Variants in ESYT2 observed in about 807,000 individuals in gnomAD.
The protein encoded by ESYT2 is extended synaptotagmin 2.
ESYT2 carries 54 observed loss-of-function variants against 107.2 expected under a neutral mutation model. The observed-to-expected ratio is 0.50, with a 90% CI of 0.40 to 0.63. The LOEUF (loss-of-function observed/expected upper bound fraction) is 0.63, where lower values mean the gene tolerates loss of function less well. Ranked by LOEUF, ESYT2 falls within the 30% of genes least tolerant of loss-of-function variation. The pLI, the probability that ESYT2 is intolerant of heterozygous loss-of-function variation, is 0.00. For missense variants in ESYT2, 1,020 were observed against 1,094.5 expected (o/e 0.93, Z 0.96); for synonymous variants, 491 against 434.1 (o/e 1.13, Z -1.63).
chr7:158,760,342 T>C (rs903925371), intron 11 of ESYT2, among the ~76,000 whole-genome samples, 195 bp from the exon 12 acceptor site: 3 of 152,230 alleles, frequency 2.0e-5, no homozygotes, highest in Admixed American at 6.5e-5. Context: ...TTGGAGGCGA[T>C]GGCAGCAACA....
chr7:158,764,450 C>A (rs1041392190), intron 9 of ESYT2, among the ~76,000 whole-genome samples: 1 of 152,168 alleles, frequency 6.6e-6, no homozygotes, highest in Non-Finnish European at 1.5e-5. Context: ...AGTATGATAG[C>A]ATTATGTAAT....
intron 3 of ESYT2, among the ~76,000 whole-genome samples, chr7:158,796,361 A>C (rs1839458004): frequency 6.6e-6 from 1 of 152,226 alleles, no homozygotes; most frequent in African/African-American, 2.4e-5. Context: ...CTTTTTATAT[A>C]ATGTGACTCC....
intron 17 of ESYT2, 121 bp from the exon 18 acceptor site, chr7:158,742,017 T>C: frequency 8.0e-7 from 1 of 1,247,836 alleles, no homozygotes; most frequent in South Asian, 1.6e-5. Context: ...AAAAAAAAAT[T>C]TTTTTTTAAA....
chr7:158,781,726 TGTGA>T (rs1484235662), intron 6 of ESYT2, among the ~76,000 whole-genome samples: 1 of 148,862 alleles, frequency 6.7e-6, no homozygotes, highest in African/African-American at 2.5e-5. Flanking sequence ...CGAGAACAAA[TGTGA>T]GTGAACGAGT....
chr7:158,767,642 G>C lies in ESYT2; in HGVS notation c.924+12C>G, dbSNP rs775819735. On this transcript the variant is annotated intron_variant, in intron 8 of 22. Transcript: ENST00000275418. Reference sequence around the variant, plus strand: ...TGTTTTTAAATGTGAATGGATGCCGGGACACGCTTACCTTTGGTACAGGAA... The same window carrying C: ...TGTTTTTAAATGTGAATGGATGCCGCGACACGCTTACCTTTGGTACAGGAA... 1 of 1,605,008 alleles carries C rather than the reference G, an allele frequency of 6.2e-7. No homozygotes were observed. The highest frequency in any genetic ancestry group is 8.5e-7 in the Non-Finnish European group (1 of 1,174,968).
chr7:158,737,404 T>C (rs1011167393), intron 19 of ESYT2, among the ~76,000 whole-genome samples: 12 of 152,336 alleles, frequency 7.9e-5, no homozygotes, highest in African/African-American at 1.9e-4. Context: ...TCGGCCTTCA[T>C]TTCTCAAGCC....
chr7:158,777,675 C>G (rs955153326), intron 6 of ESYT2, among the ~76,000 whole-genome samples: 7 of 152,138 alleles, frequency 4.6e-5, no homozygotes, highest in African/African-American at 1.7e-4. Context: ...AATGCCCAGT[C>G]TCAGGTAGTA....
At chr7:158,754,240 C>CTCTG (rs1201767628) in intron 13 of ESYT2, among the ~76,000 whole-genome samples, 1 of 152,086 alleles carries the variant, frequency 6.6e-6, no homozygotes, top group Admixed American at 6.6e-5. Context: ...CGGAGTCTTG[C>CTCTG]TCTGTCACCA....
At chr7:158,774,150 A>C (rs2129472594) in intron 6 of ESYT2, among the ~76,000 whole-genome samples, 1 of 152,344 alleles carries the variant, frequency 6.6e-6, no homozygotes, top group East Asian at 1.9e-4. Flanking sequence ...TTGTAGAAGA[A>C]ATTCTAAGTA....
chr7:158,758,580 G>A (rs1837848603), intron 13 of ESYT2, among the ~76,000 whole-genome samples: 1 of 152,208 alleles, frequency 6.6e-6, no homozygotes, highest in Admixed American at 6.5e-5. Context: ...TACTGTGGAG[G>A]AGGAATTATG....
intron 18 of ESYT2, among the ~76,000 whole-genome samples, chr7:158,740,887 C>A (rs957038648): frequency 2.6e-5 from 4 of 152,146 alleles, no homozygotes; most frequent in Non-Finnish European, 4.4e-5. Flanking sequence ...ATTCAACACA[C>A]CTCTTATAAC....
At position 158,749,685 on chromosome 7, in the gene ESYT2, G is replaced by C. The variant is rs1837521696; in HGVS notation, c.1521C>G (p.Val507=). 6 of 1,613,856 alleles carry C rather than the reference G, an allele frequency of 3.7e-6. No individual in the cohort carries two copies. In the South Asian group the frequency reaches 6.6e-5, roughly 18 times the overall value. ...KKISSNPNPV[V]QMSVGHKAQE... ...GGGCCTTGTGCCCAACTGACATCTG[G>C]ACAACAGGATTTGGGTTGCTGCTTA... is the stretch of plus-strand genomic sequence containing the variant. Residue 507 remains valine, a synonymous_variant, in exon 15 of 23, where the codon GTC becomes GTG. Transcript: ENST00000275418.
intron 11 of ESYT2, among the ~76,000 whole-genome samples, chr7:158,760,395 G>A (rs557303597): frequency 5.3e-5 from 8 of 152,172 alleles, no homozygotes; most frequent in Non-Finnish European, 7.3e-5. Flanking sequence ...CACCAACCCC[G>A]TGACCCCGAC....
chr7:158,755,117 C>T (rs748575727), intron 13 of ESYT2, among the ~76,000 whole-genome samples: 6 of 152,154 alleles, frequency 3.9e-5, no homozygotes, highest in Non-Finnish European at 8.8e-5. Context: ...TTCCTATTGT[C>T]CTAAGTTTGC....
At chr7:158,735,368 A>G in intron 21 of ESYT2, 135 bp downstream of exon 21, 1 of 669,922 alleles carries the variant, frequency 1.5e-6, no homozygotes, top group Non-Finnish European at 2.6e-6. Context: ...TTTATAGCCC[A>G]TGATTTATAA....
intron 19 of ESYT2, 41 bp downstream of exon 19, chr7:158,738,978 ACACT>A (rs1324678241): frequency 5.7e-6 from 9 of 1,571,382 alleles, no homozygotes; most frequent in Non-Finnish European, 7.9e-6. Flanking sequence ...TCCAGCATCC[ACACT>A]CAGCAGCACA....
intron 6 of ESYT2, among the ~76,000 whole-genome samples, chr7:158,781,937 G>GT (rs1279063297): frequency 6.6e-6 from 1 of 151,426 alleles, no homozygotes; most frequent in Non-Finnish European, 1.5e-5. Flanking sequence ...AGGTATGAGT[G>GT]TAAGAACGAG....
intron 1 of ESYT2, among the ~76,000 whole-genome samples, chr7:158,813,689 C>T (rs779662310): frequency 1.6e-4 from 24 of 152,330 alleles, no homozygotes; most frequent in Non-Finnish European, 3.4e-4. Flanking sequence ...CCAGACAAAA[C>T]GTGTTAACAG....
At chr7:158,802,297 T>A (rs1250459672) in intron 1 of ESYT2, among the ~76,000 whole-genome samples, 1 of 152,238 alleles carries the variant, frequency 6.6e-6, no homozygotes, top group South Asian at 2.1e-4. Context: ...ATAAGCATTT[T>A]TTTTTTTGAG....
Sources: allele counts gnomAD v4.1 joint callset (sites outside exome capture counted in the v4.1 genomes callset), GRCh38; gene constraint gnomAD v4.1.1; transcripts MANE v1.5; gene names NCBI Gene and HGNC (gene_info 2026-07-23, HGNC 2026-07-21).